Variants in DACH1 observed in about 807,000 individuals in gnomAD.
DACH1 encodes dachshund family transcription factor 1, also known as dachshund homolog 1.
In DACH1, 12 loss-of-function variants were observed where a neutral mutation model predicts 54.2. The ratio of observed to expected loss-of-function variants is 0.22; its 90% CI spans 0.14 to 0.36. DACH1 has a LOEUF of 0.36. Among genes scored for constraint, DACH1 ranks in the 10% least tolerant of loss-of-function variants. The pLI is 1.00. For missense variants in DACH1, 805 were observed against 929.8 expected (o/e 0.87, Z 1.75); for synonymous variants, 386 against 366.2 (o/e 1.05, Z -0.62).
intron 2 of DACH1, among the ~76,000 whole-genome samples, chr13:71,641,741 T>A (rs1396257630): frequency 6.6e-6 from 1 of 152,162 alleles, no homozygotes; most frequent in Non-Finnish European, 1.5e-5. Flanking sequence ...TTGGCACAAT[T>A]TCATAATCAT....
At chr13:71,449,249 C>T (rs548472134) in intron 10 of DACH1, among the ~76,000 whole-genome samples, 253 of 152,168 alleles carry the variant, frequency 1.7e-3, no homozygotes, top group South Asian at 0.013. Context: ...TTGCTTCAAC[C>T]TGGAAGGCGG....
chr13:71,561,065 C>T lies in DACH1; in HGVS notation c.1300-1110G>A, dbSNP rs76594047. Among the ~76,000 whole-genome samples the T allele has an allele frequency of 5.8e-3, 884 of 152,162 alleles. 10 individuals carry two copies. The highest frequency in any genetic ancestry group is 0.02 in the African/African-American group (834 of 41,522). On this transcript the variant is annotated intron_variant, in intron 4 of 10. Coordinates refer to ENST00000613252, the MANE Select transcript of DACH1 (RefSeq NM_080759.6). ...CCAAAATGTCAATGTTAACTTAATA[C>T]GGAAAACAAATAGGAGGTTCCAGGT...
At chr13:71,612,053 A>G (rs2138518372) in intron 3 of DACH1, among the ~76,000 whole-genome samples, 1 of 152,274 alleles carries the variant, frequency 6.6e-6, no homozygotes, top group Admixed American at 6.5e-5. Flanking sequence ...TTTTGTTGTT[A>G]TAAGTTTAGG....
intron 6 of DACH1, among the ~76,000 whole-genome samples, chr13:71,540,823 A>G (rs757309222): frequency 7.2e-5 from 11 of 152,014 alleles, no homozygotes; most frequent in Admixed American, 2.0e-4. Context: ...TTCAACTTCT[A>G]TAATATTGCC....
chr13:71,486,623 T>C (rs1878525080), intron 7 of DACH1, among the ~76,000 whole-genome samples: 1 of 152,254 alleles, frequency 6.6e-6, no homozygotes, highest in East Asian at 1.9e-4. Context: ...ATAATATACA[T>C]GTGCATGAAA....
At chr13:71,811,937 T>C (rs1887729851) in intron 1 of DACH1, among the ~76,000 whole-genome samples, 1 of 152,168 alleles carries the variant, frequency 6.6e-6, no homozygotes, top group Non-Finnish European at 1.5e-5. Flanking sequence ...TGAAAAACTT[T>C]CCTTCTACCT....
At chr13:71,556,875 G>C in intron 6 of DACH1, 149 bp downstream of exon 6, 2 of 773,898 alleles carry the variant, frequency 2.6e-6, no homozygotes, top group Non-Finnish European at 1.9e-6. Flanking sequence ...GAATGAATAG[G>C]TTTAATTTGT....
chr13:71,526,382 T>G lies in DACH1; in HGVS notation c.1570+30642A>C, dbSNP rs554412890. On this transcript the variant is annotated intron_variant, in intron 6 of 10. Coordinates refer to ENST00000613252, the MANE Select transcript of DACH1 (RefSeq NM_080759.6). Reference sequence around the variant, plus strand: ...CTGGCAGTTCCATTTTCTTATCATATTGTAATGGAAGCAAATAATTGTTGA... The same window carrying G: ...CTGGCAGTTCCATTTTCTTATCATAGTGTAATGGAAGCAAATAATTGTTGA... Among the ~76,000 whole-genome samples the G allele has an allele frequency of 3.3e-5, 5 of 152,224 alleles. No homozygotes were observed. In the South Asian group the frequency reaches 1.0e-3, roughly 32 times the overall value.
chr13:71,630,800 C>T (rs1877041611), intron 2 of DACH1, 83 bp from the exon 3 acceptor site: 2 of 1,404,294 alleles, frequency 1.4e-6, no homozygotes, highest in Non-Finnish European at 1.9e-6. Flanking sequence ...AACCAACATA[C>T]AAACATTTAT....
rs1236182868 is a variant in DACH1, at chr13:71,735,328, CGTATACGGGATATACGT to C, written c.849-53435_849-53419del. On this transcript the variant is annotated intron_variant, in intron 1 of 10. Transcript: ENST00000613252. Reference sequence around the variant, plus strand: ...GATATACGTGTATATGGGATATACACGTATACGGGATATACGTGTATATGGGATATACACGTATACGG... The same window carrying C: ...GATATACGTGTATATGGGATATACACGTATATGGGATATACACGTATACGG... Among the ~76,000 whole-genome samples, 28 of 49,794 alleles carry C rather than the reference CGTATACGGGATATACGT, an allele frequency of 5.6e-4. 2 individuals carry two copies. Among genetic ancestry groups the C allele is most frequent in the African/African-American group, 1.1e-3 (25 of 23,390 alleles). 32.7% of individuals were successfully genotyped at this position (49,794 alleles called of 152,430 possible).
intron 3 of DACH1, among the ~76,000 whole-genome samples, chr13:71,629,035 G>A (rs1053179286): frequency 2.6e-5 from 4 of 151,936 alleles, no homozygotes; most frequent in Admixed American, 2.6e-4. Flanking sequence ...ATGTATAAGT[G>A]GCTAATTACT....
chr13:71,674,975 G>A (rs528723406), intron 2 of DACH1: 9 of 707,312 alleles, frequency 1.3e-5, no homozygotes, highest in African/African-American at 7.2e-5. Flanking sequence ...CCGCCACCGC[G>A]CTGCCGTCGC....
intron 1 of DACH1, among the ~76,000 whole-genome samples, chr13:71,714,619 T>C (rs956737631): frequency 4.6e-5 from 7 of 152,072 alleles, no homozygotes; most frequent in African/African-American, 7.2e-5. Context: ...AATTTTATTA[T>C]ATTTAGTAAA....
intron 10 of DACH1, among the ~76,000 whole-genome samples, chr13:71,443,761 A>G (rs1874211760): frequency 6.6e-6 from 1 of 152,182 alleles, no homozygotes; most frequent in Non-Finnish European, 1.5e-5. Flanking sequence ...TCTGATTGAT[A>G]CTAAATATTA....
chr13:71,585,625 G>A (rs2138445268), intron 3 of DACH1, among the ~76,000 whole-genome samples: 1 of 152,216 alleles, frequency 6.6e-6, no homozygotes, highest in East Asian at 1.9e-4. Flanking sequence ...TTGACTAGAG[G>A]AGAGAACACA....
intron 3 of DACH1, among the ~76,000 whole-genome samples, chr13:71,628,954 C>G (rs188321923): frequency 3.3e-5 from 5 of 151,984 alleles, no homozygotes; most frequent in Admixed American, 6.6e-5. Context: ...CTATTAAGAA[C>G]AGCCTTCATG....
At chr13:71,728,720 T>G (rs1474410612) in intron 1 of DACH1, among the ~76,000 whole-genome samples, 1 of 152,010 alleles carries the variant, frequency 6.6e-6, no homozygotes, top group Admixed American at 6.5e-5. Context: ...CAGAGATCCA[T>G]GCCTGAGACA....
intron 3 of DACH1, among the ~76,000 whole-genome samples, chr13:71,587,028 A>C (rs1449819821): frequency 1.3e-5 from 2 of 152,036 alleles, no homozygotes; most frequent in Non-Finnish European, 1.5e-5. Context: ...GTCGCTACAC[A>C]TAGACTGCTT....
chr13:71,464,648 C>T (rs1226041971), intron 10 of DACH1: 2 of 447,986 alleles, frequency 4.5e-6, no homozygotes, highest in South Asian at 3.2e-5. Context: ...TTAAGGGAAC[C>T]ATTAATTACT....
Sources: allele counts gnomAD v4.1 joint callset (sites outside exome capture counted in the v4.1 genomes callset), GRCh38; gene constraint gnomAD v4.1.1; transcripts MANE v1.5; gene names NCBI Gene and HGNC (gene_info 2026-07-23, HGNC 2026-07-21).